Variants in MALRD1 observed in about 807,000 individuals in gnomAD.
MALRD1 encodes the protein MAM and LDL receptor class A domain containing 1, also known as MAM and LDL-receptor class A domain-containing protein 1.
In MALRD1, 247 loss-of-function variants were observed where a neutral mutation model predicts 242.1. The ratio of observed to expected loss-of-function variants is 1.02; its 90% confidence interval spans 0.92 to 1.13. The LOEUF is 1.13. MALRD1 is among the 50% of genes most tolerant of loss of function. The pLI, the probability that MALRD1 is intolerant of heterozygous loss-of-function variation, is 0.00. For missense variants in MALRD1, 2,989 were observed against 2,533.1 expected, an observed-to-expected ratio of 1.18 and a Z score of -3.86; for synonymous variants, 995 against 866.6, an observed-to-expected ratio of 1.15 and a Z score of -2.60.
chr10:19,715,690 C>T (rs990159683), intron 38 of MALRD1, among the ~76,000 whole-genome samples: 11 of 152,176 alleles, frequency 7.2e-5, no homozygotes, highest in African/African-American at 2.2e-4. Flanking sequence ...GTTTGGCTGG[C>T]GGTTCTGCAG....
In MALRD1 at chr10:19,507,454, A is replaced by C. The variant is rs188784003; in HGVS notation, c.5320+8808A>C. ...AATATGAAATCTAGTGTGGAATTAG[A>C]ACTGATTATTTAGAAAATACCAAGG... On this transcript the variant is annotated intron_variant, in intron 31 of 39. Transcript: ENST00000454679. 7.9e-5 allele frequency among the ~76,000 whole-genome samples: 12 copies of C among 152,290 alleles called. No homozygotes were observed. The East Asian group carries it at 1.7e-3, about 22-fold the overall frequency.
chr10:19,380,898 G>A (rs988587411), intron 26 of MALRD1, among the ~76,000 whole-genome samples: 1 of 126,014 alleles, frequency 7.9e-6, no homozygotes, highest in Non-Finnish European at 1.6e-5. Context: ...AGAACGTTCT[G>A]TAGCAATTTC....
intron 36 of MALRD1, among the ~76,000 whole-genome samples, chr10:19,672,733 C>A (rs1169624411): frequency 1.3e-5 from 2 of 151,886 alleles, no homozygotes; most frequent in Admixed American, 6.6e-5. Context: ...CAATATATAT[C>A]TTTTTGAAAC....
At chr10:19,387,504 T>C (rs1262770364) in intron 26 of MALRD1, 24 bp from the exon 27 acceptor site, 1 of 1,545,412 alleles carries the variant, frequency 6.5e-7, no homozygotes, top group Non-Finnish European at 8.7e-7. Context: ...TCGCTCATTC[T>C]TGTTTTCTTT....
intron 34 of MALRD1, among the ~76,000 whole-genome samples, chr10:19,603,193 T>G (rs1159047772): frequency 1.3e-5 from 2 of 152,182 alleles, no homozygotes; most frequent in Admixed American, 1.3e-4. Context: ...AGCTCTTTAG[T>G]TTAATTAGAT....
rs116566458 is a variant in MALRD1, at chr10:19,432,254, T to C, written c.4846-18053T>C. On this transcript the variant is annotated intron_variant, in intron 28 of 39. Transcript: ENST00000454679. Reference sequence around the variant, plus strand: ...TTGTGTTACGTAAGATTGAGAACAATGATAGTATGCCTCAGGAATATCACC... The same window carrying C: ...TTGTGTTACGTAAGATTGAGAACAACGATAGTATGCCTCAGGAATATCACC... Among the ~76,000 whole-genome samples, 438 of 152,336 alleles carry C rather than the reference T, an allele frequency of 2.9e-3. 4 individuals are homozygous for C. Among genetic ancestry groups the C allele is most frequent in the African/African-American group, 9.9e-3 (413 of 41,586 alleles).
At chr10:19,372,504 T>G (rs1845421727) in intron 26 of MALRD1, among the ~76,000 whole-genome samples, 2 of 151,998 alleles carry the variant, frequency 1.3e-5, no homozygotes, top group South Asian at 4.1e-4. Flanking sequence ...AGTTTCACTC[T>G]GTCACCCAGG....
chr10:19,110,945 T>C (rs937395889), intron 5 of MALRD1, among the ~76,000 whole-genome samples: 5 of 152,202 alleles, frequency 3.3e-5, no homozygotes, highest in Admixed American at 2.0e-4. Flanking sequence ...AGGAATTGGT[T>C]GCTGCCATTG....
At chr10:19,461,593 A>G (rs547037748) in intron 29 of MALRD1, among the ~76,000 whole-genome samples, 82 of 152,226 alleles carry the variant, frequency 5.4e-4, no homozygotes, top group African/African-American at 1.9e-3. Context: ...CACATCTGTA[A>G]TCCTACACTG....
At chr10:19,096,952 A>T (rs1836061467) in intron 4 of MALRD1, among the ~76,000 whole-genome samples, 1 of 152,198 alleles carries the variant, frequency 6.6e-6, no homozygotes, top group African/African-American at 2.4e-5. Context: ...AAATTGAAGC[A>T]GGTTAACTTC....
intron 22 of MALRD1, among the ~76,000 whole-genome samples, chr10:19,324,878 C>T (rs918596321): frequency 1.2e-4 from 18 of 151,392 alleles, no homozygotes; most frequent in African/African-American, 3.6e-4. Flanking sequence ...TGTTAGTGAT[C>T]CTTATAAGCC....
At chr10:19,723,351 A>G (rs916684210) in intron 38 of MALRD1, among the ~76,000 whole-genome samples, 3 of 152,170 alleles carry the variant, frequency 2.0e-5, no homozygotes, top group Non-Finnish European at 4.4e-5. Flanking sequence ...CTGAAGTTTT[A>G]TAACACAATC....
rs891616486 is a variant in MALRD1 at position 19,531,263 on chromosome 10, C to T, written c.5390C>T (p.Thr1797Ile). Reference protein sequence around the residue: ...SKEGSVARITTSKSFPASLGM... With the variant: ...SKEGSVARITISKSFPASLGM... Reference sequence around the variant, plus strand: ...GAAGGATCCGTTGCCAGAATTACTACTTCCAAATCCTTCCCAGCAAGCCTT... The same window carrying T: ...GAAGGATCCGTTGCCAGAATTACTATTTCCAAATCCTTCCCAGCAAGCCTT... The change falls in exon 32 of 40, where the codon ACT becomes ATT. Residue 1797 changes from threonine to isoleucine, a missense_variant. Thr to Ile is a moderately conservative substitution (Grantham distance 89, BLOSUM62 -1). Coordinates refer to ENST00000454679, the MANE Select transcript of MALRD1 (RefSeq NM_001142308.3). 6.4e-7 allele frequency: 1 copy of T among 1,550,464 alleles called. No individual in the cohort carries two copies. The highest frequency in any genetic ancestry group is 8.7e-7 in the Non-Finnish European group (1 of 1,146,898).
intron 29 of MALRD1, among the ~76,000 whole-genome samples, chr10:19,455,428 A>G (rs994985730): frequency 6.6e-6 from 1 of 152,222 alleles, no homozygotes; most frequent in African/African-American, 2.4e-5. Context: ...CAGATCAGCA[A>G]TAAGACCACT....
At chr10:19,354,687 A>G (rs1210522309) in intron 26 of MALRD1, among the ~76,000 whole-genome samples, 1 of 152,088 alleles carries the variant, frequency 6.6e-6, no homozygotes, top group East Asian at 1.9e-4. Flanking sequence ...CATGTTGCAA[A>G]TAGGATGAAT....
At chr10:19,136,941 G>A (rs777827737) in intron 10 of MALRD1, among the ~76,000 whole-genome samples, 160 bp downstream of exon 10, 1 of 152,080 alleles carries the variant, frequency 6.6e-6, no homozygotes, top group Non-Finnish European at 1.5e-5. Context: ...ATGCCTTCAG[G>A]GATCTCTATT....
intron 4 of MALRD1, among the ~76,000 whole-genome samples, chr10:19,099,028 T>C (rs1836148765): frequency 1.3e-5 from 2 of 152,188 alleles, no homozygotes; most frequent in Non-Finnish European, 2.9e-5. Context: ...TATTTTATTA[T>C]GCAAATGGGT....
At chr10:19,077,745 G>A (rs963027825) in intron 2 of MALRD1, among the ~76,000 whole-genome samples, 6 of 151,780 alleles carry the variant, frequency 4.0e-5, no homozygotes, top group Non-Finnish European at 7.4e-5. Flanking sequence ...AAGGGTTCCC[G>A]CTCCAGATTC....
intron 10 of MALRD1, among the ~76,000 whole-genome samples, chr10:19,139,440 T>C (rs1433393814): frequency 6.6e-6 from 1 of 152,210 alleles, no homozygotes; most frequent in Non-Finnish European, 1.5e-5. Flanking sequence ...TATATCTTTT[T>C]TTTCTTGCAC....
Sources: gnomAD v4.1 joint callset for allele counts (sites outside exome capture counted in the v4.1 genomes callset) on GRCh38, gnomAD v4.1.1 for gene constraint, MANE v1.5 for transcripts, NCBI Gene and HGNC (gene_info 2026-07-23, HGNC 2026-07-21) for gene names.